The following SEPTIN14 variants were observed in gnomAD, a reference collection of about 807,000 sequenced individuals.
The protein encoded by SEPTIN14 is septin-14.
Under a neutral mutation model 53.6 loss-of-function variants are expected in SEPTIN14, and 40 were observed. The observed-to-expected ratio is 0.75, with a 90% CI of 0.58 to 0.97. SEPTIN14 has a LOEUF of 0.97. SEPTIN14 is among the 50% of genes least tolerant of loss of function. SEPTIN14 has a pLI of 0.00. For synonymous variants in SEPTIN14, 138 were observed against 166.8 expected (o/e 0.83, Z 1.33); for missense variants, 471 against 508.2 (o/e 0.93, Z 0.70).
intron 6 of SEPTIN14, among the ~76,000 whole-genome samples, chr7:55,823,418 C>A (rs1788930601): frequency 6.6e-6 from 1 of 152,110 alleles, no homozygotes; most frequent in South Asian, 2.1e-4. Flanking sequence ...CAATAAAATT[C>A]TTCTGTCTTC....
chr7:55,851,363 T>C (rs972281763), intron 2 of SEPTIN14, among the ~76,000 whole-genome samples: 1 of 152,078 alleles, frequency 6.6e-6, no homozygotes, highest in African/African-American at 2.4e-5. Flanking sequence ...TTTCAGTTGC[T>C]ATAGTTTTAC....
At chr7:55,831,216 G>A (rs1293817104) in intron 6 of SEPTIN14, among the ~76,000 whole-genome samples, 2 of 151,934 alleles carry the variant, frequency 1.3e-5, no homozygotes, top group African/African-American at 4.8e-5. Context: ...AAAACAGACA[G>A]ATTAATGGAA....
chr7:55,802,663 A>T (rs940794728), intron 9 of SEPTIN14, among the ~76,000 whole-genome samples: 1 of 152,166 alleles, frequency 6.6e-6, no homozygotes, highest in Non-Finnish European at 1.5e-5. Context: ...AAAATTAGGG[A>T]TAAGTTCCTT....
intron 2 of SEPTIN14, among the ~76,000 whole-genome samples, chr7:55,854,834 A>G (rs1013739124): frequency 6.6e-6 from 1 of 152,234 alleles, no homozygotes; most frequent in African/African-American, 2.4e-5. Flanking sequence ...AAGAATCTAC[A>G]GAGCATCTAC....
intron 5 of SEPTIN14, among the ~76,000 whole-genome samples, chr7:55,835,143 T>C (rs948254241): frequency 6.6e-6 from 1 of 152,110 alleles, no homozygotes; most frequent in African/African-American, 2.4e-5. Context: ...CCTCTACACA[T>C]ATGGAGTTAG....
At chr7:55,845,980 C>G (rs148741719) in intron 3 of SEPTIN14, among the ~76,000 whole-genome samples, 1 of 142,686 alleles carries the variant, frequency 7.0e-6, no homozygotes, top group Non-Finnish European at 1.5e-5. Context: ...ACCTGGGAGG[C>G]GGAGCTTGCA....
At chr7:55,796,330 C>T (rs902192763) in intron 9 of SEPTIN14, among the ~76,000 whole-genome samples, 37 of 152,004 alleles carry the variant, frequency 2.4e-4, no homozygotes, top group African/African-American at 8.7e-4. Context: ...GTGGCGCGAT[C>T]TCAGCTCACT....
chr7:55,830,349 A>ATATATATTTTTTT (rs71015108), intron 6 of SEPTIN14, among the ~76,000 whole-genome samples: 9 of 56,844 alleles, frequency 1.6e-4, no homozygotes, highest in East Asian at 6.1e-4. Flanking sequence ...ATATATATAT[A>ATATATATTTTTTT]TTTTTTTTTT....
intron 7 of SEPTIN14, among the ~76,000 whole-genome samples, chr7:55,808,049 A>G (rs1436684116): frequency 2.0e-5 from 3 of 152,234 alleles, no homozygotes; most frequent in Non-Finnish European, 1.5e-5. Flanking sequence ...ACTGTATTAC[A>G]ATAATAGTAA....
intron 2 of SEPTIN14, among the ~76,000 whole-genome samples, chr7:55,855,229 C>G (rs555726784): frequency 2.0e-5 from 3 of 152,232 alleles, no homozygotes; most frequent in South Asian, 4.1e-4. Context: ...AGGATGGTCT[C>G]GAGCTCCTGA....
chr7:55,838,488 CCTT>C (rs1446193139), intron 5 of SEPTIN14, among the ~76,000 whole-genome samples: 3 of 151,004 alleles, frequency 2.0e-5, no homozygotes, highest in Non-Finnish European at 3.0e-5. Flanking sequence ...TTCCTTCCCT[CCTT>C]CTTTCTTTTC....
intron 6 of SEPTIN14, among the ~76,000 whole-genome samples, chr7:55,826,017 G>A (rs11972519): frequency 0.064 from 9,752 of 151,826 alleles, 697 homozygotes; most frequent in African/African-American, 0.18. Flanking sequence ...CAGGAGAATG[G>A]CGTGAACCCG....
intron 3 of SEPTIN14, among the ~76,000 whole-genome samples, chr7:55,845,968 G>A (rs1789395460): frequency 1.4e-5 from 2 of 147,888 alleles, no homozygotes; most frequent in South Asian, 4.3e-4. Flanking sequence ...AGAATGGCAT[G>A]AACCTGGGAG....
intron 7 of SEPTIN14, among the ~76,000 whole-genome samples, chr7:55,816,578 C>G (rs1465967054): frequency 1.3e-5 from 2 of 151,520 alleles, no homozygotes; most frequent in Non-Finnish European, 2.9e-5. Context: ...AGGCAGATCA[C>G]CTGAGGTCAG....
rs963397930 is a variant in SEPTIN14 at position 55,799,562 on chromosome 7, C to T, written c.1120-3470G>A. 4.1e-5 allele frequency among the ~76,000 whole-genome samples: 6 copies of T among 148,072 alleles called. No individual in the cohort carries two copies. The East Asian group carries it at 1.2e-3, about 29-fold the overall frequency. On this transcript the variant is annotated intron_variant, in intron 9 of 9. Coordinates refer to ENST00000388975, the MANE Select transcript of SEPTIN14 (RefSeq NM_207366.3). Reference sequence around the variant, plus strand: ...AAAAAAGGAAAAAGAAAAAGATATTCCATGCAAATTATAGGCAAAAGAGGA... The same window carrying T: ...AAAAAAGGAAAAAGAAAAAGATATTTCATGCAAATTATAGGCAAAAGAGGA...
intron 2 of SEPTIN14, among the ~76,000 whole-genome samples, chr7:55,855,975 A>C (rs1789617075): frequency 6.6e-6 from 1 of 152,086 alleles, no homozygotes; most frequent in Non-Finnish European, 1.5e-5. Context: ...TTAAGGTTTG[A>C]TTTAATGTAT....
At chr7:55,814,219 C>A (rs114410924) in intron 7 of SEPTIN14, among the ~76,000 whole-genome samples, 1,996 of 152,204 alleles carry the variant, frequency 0.013, 28 homozygotes, top group African/African-American at 0.038. Flanking sequence ...AGAAAACCTT[C>A]TCAAATAGAA....
intron 2 of SEPTIN14, among the ~76,000 whole-genome samples, chr7:55,849,520 G>A (rs555130301): frequency 6.6e-6 from 1 of 150,796 alleles, no homozygotes; most frequent in Non-Finnish European, 1.5e-5. Context: ...CTGAGGCAGG[G>A]AGATCACCTG....
intron 7 of SEPTIN14, among the ~76,000 whole-genome samples, chr7:55,809,263 G>GTCCACC (rs1788657222): frequency 6.6e-6 from 1 of 151,822 alleles, no homozygotes; most frequent in African/African-American, 2.4e-5. Flanking sequence ...CCTCCTTGAG[G>GTCCACC]GTGGAGGGTG....
Sources: allele counts gnomAD v4.1 joint callset (sites outside exome capture counted in the v4.1 genomes callset), GRCh38; gene constraint gnomAD v4.1.1; transcripts MANE v1.5; gene names NCBI Gene and HGNC (gene_info 2026-07-23, HGNC 2026-07-21).